TRPC4AP: variants seen among roughly 807,000 people sequenced by gnomAD.
TRPC4AP encodes transient receptor potential cation channel subfamily C member 4 associated protein, also known as short transient receptor potential channel 4-associated protein.
Under a neutral mutation model 99.0 loss-of-function variants are expected in TRPC4AP, and 45 were observed. The ratio of observed to expected loss-of-function variants is 0.45; its 90% CI spans 0.36 to 0.58. The LOEUF is 0.58. TRPC4AP is among the 20% of genes least tolerant of loss of function. The pLI is 0.00. For missense variants in TRPC4AP, 879 were observed against 985.3 expected, an observed-to-expected ratio of 0.89 and a Z score of 1.44; for synonymous variants, 408 against 385.8, an observed-to-expected ratio of 1.06 and a Z score of -0.67.
intron 3 of TRPC4AP, among the ~76,000 whole-genome samples, chr20:35,068,954 C>CACACACACA (rs769687799): frequency 4.2e-5 from 2 of 47,482 alleles, no homozygotes; most frequent in South Asian, 5.5e-4. Context: ...TTTACACACA[C>CACACACACA]ACACACACAC....
intron 17 of TRPC4AP, among the ~76,000 whole-genome samples, chr20:35,004,198 G>C (rs146682993): frequency 6.6e-6 from 1 of 152,348 alleles, no homozygotes; most frequent in Non-Finnish European, 1.5e-5. Flanking sequence ...GGCAGAAGGT[G>C]TGAGGGACGT....
chr20:35,040,858 T>C (rs1446914832), intron 7 of TRPC4AP, among the ~76,000 whole-genome samples: 1 of 152,204 alleles, frequency 6.6e-6, no homozygotes, highest in African/African-American at 2.4e-5. Flanking sequence ...TAAATCCTAC[T>C]GCTTCTGTCT....
rs1046313856 is a variant in TRPC4AP, at chr20:35,002,539, A to G, written c.*607T>C. ...TGCCTCAGGCAGAGGCAGGGCAGGC[A>G]CAGCTGCCCCGTGCCCCAAGGGATG... On this transcript the variant is annotated 3_prime_UTR_variant, in exon 19 of 19. Transcript: ENST00000252015. 4.3e-6 allele frequency: 1 copy of G among 234,766 alleles called. No homozygotes were observed. 14.5% of individuals were successfully genotyped at this position (234,766 alleles called of 1,614,324 possible).
chr20:35,070,202 T>C (rs1317010909), intron 2 of TRPC4AP, among the ~76,000 whole-genome samples: 2 of 152,076 alleles, frequency 1.3e-5, no homozygotes, highest in Admixed American at 6.6e-5. Flanking sequence ...CCAAGAATTG[T>C]TGACAGATAA....
At chr20:35,052,990 G>A (rs577269043) in intron 5 of TRPC4AP, among the ~76,000 whole-genome samples, 10 of 152,038 alleles carry the variant, frequency 6.6e-5, no homozygotes, top group Non-Finnish European at 1.5e-4. Flanking sequence ...AATTCAGCCA[G>A]ATAGCACATA....
At chr20:35,040,079 C>T (rs1012268720) in intron 7 of TRPC4AP, among the ~76,000 whole-genome samples, 1 of 151,272 alleles carries the variant, frequency 6.6e-6, no homozygotes, top group Admixed American at 6.6e-5. Flanking sequence ...GGACTGTGTC[C>T]CCACCCCCCG....
chr20:35,044,080 G>A (rs1271674409), intron 7 of TRPC4AP, among the ~76,000 whole-genome samples: 3 of 152,056 alleles, frequency 2.0e-5, no homozygotes, highest in South Asian at 2.1e-4. Context: ...CCTTCACATG[G>A]ATCCATCTCT....
In TRPC4AP at chr20:35,015,623, T is replaced by C. The variant is rs374347170; in HGVS notation, c.1350+385A>G. 2.2e-4 allele frequency among the ~76,000 whole-genome samples: 34 copies of C among 151,848 alleles called. No homozygotes were observed. In the East Asian group the frequency reaches 2.7e-3, roughly 12 times the overall value. On this transcript the variant is annotated intron_variant, in intron 10 of 18. Transcript: ENST00000252015. ...GATTACAGGCACCCAACACCATACC[T>C]GGCCAATTTTTGTATTTTTAGTGAG...
At chr20:35,046,059 A>C (rs1408282688) in intron 6 of TRPC4AP, among the ~76,000 whole-genome samples, 2 of 152,226 alleles carry the variant, frequency 1.3e-5, no homozygotes, top group Non-Finnish European at 2.9e-5. Flanking sequence ...CTCTCTGTGT[A>C]CACATGTATG....
At chr20:35,084,924 TAAC>T (rs1190018049) in intron 1 of TRPC4AP, among the ~76,000 whole-genome samples, 1 of 152,138 alleles carries the variant, frequency 6.6e-6, no homozygotes, top group African/African-American at 2.4e-5. Context: ...TGTAAATACT[TAAC>T]AACAGCCAAA....
intron 1 of TRPC4AP, among the ~76,000 whole-genome samples, chr20:35,081,530 TAAAATAAAATA>T (rs1182890918): frequency 6.7e-6 from 1 of 148,974 alleles, no homozygotes; most frequent in Non-Finnish European, 1.5e-5. Context: ...AAATAGAAAA[TAAAATAAAATA>T]AAAATAAAAT....
At chr20:35,007,475 G>T in intron 14 of TRPC4AP, 75 bp downstream of exon 14, 1 of 1,437,416 alleles carries the variant, frequency 7.0e-7, no homozygotes, top group Non-Finnish European at 9.7e-7. Context: ...AACTGTTTGG[G>T]GCTCAGGACA....
intron 7 of TRPC4AP, among the ~76,000 whole-genome samples, chr20:35,036,142 G>A (rs1400115045): frequency 6.6e-6 from 1 of 152,106 alleles, no homozygotes; most frequent in African/African-American, 2.4e-5. Context: ...CGGCATATTA[G>A]AACATCATAA....
chr20:35,020,739 G>A (rs556079138), intron 9 of TRPC4AP, among the ~76,000 whole-genome samples: 7 of 152,170 alleles, frequency 4.6e-5, no homozygotes, highest in South Asian at 2.1e-4. Flanking sequence ...CTCCTCCTCC[G>A]TCTTGGAACT....
intron 1 of TRPC4AP, among the ~76,000 whole-genome samples, chr20:35,087,397 G>A (rs910559198): frequency 1.3e-5 from 2 of 151,786 alleles, no homozygotes; most frequent in Non-Finnish European, 2.9e-5. Flanking sequence ...GAACACTCAG[G>A]GGCATTTAGA....
chr20:35,031,520 G>A (rs972453532), intron 8 of TRPC4AP, among the ~76,000 whole-genome samples: 14 of 150,220 alleles, frequency 9.3e-5, no homozygotes, highest in South Asian at 2.1e-4. Flanking sequence ...ACAGGTGTGC[G>A]CCAACATGCC....
At chr20:35,056,443 A>C (rs2083826806) in intron 4 of TRPC4AP, among the ~76,000 whole-genome samples, 1 of 152,194 alleles carries the variant, frequency 6.6e-6, no homozygotes, top group Non-Finnish European at 1.5e-5. Context: ...ATGAGGGTAC[A>C]TAGAGAACAT....
chr20:35,057,623 T>A (rs374420135), intron 3 of TRPC4AP, 52 bp from the exon 4 acceptor site: 1 of 1,473,106 alleles, frequency 6.8e-7, no homozygotes, highest in East Asian at 2.3e-5. Flanking sequence ...GTATAACTTA[T>A]AAAATGATTT....
chr20:35,026,087 T>C (rs1642541696), intron 8 of TRPC4AP, among the ~76,000 whole-genome samples: 1 of 152,194 alleles, frequency 6.6e-6, no homozygotes, highest in Non-Finnish European at 1.5e-5. Context: ...TTGATCATAA[T>C]AAGCATGAGG....
Sources: allele counts gnomAD v4.1 joint callset (sites outside exome capture counted in the v4.1 genomes callset), GRCh38; gene constraint gnomAD v4.1.1; transcripts MANE v1.5; gene names NCBI Gene and HGNC (gene_info 2026-07-23, HGNC 2026-07-21).